RBFOX2: variants seen among roughly 807,000 people sequenced by gnomAD.
RBFOX2 encodes the protein RNA binding protein fox-1 homolog 2.
Under a neutral mutation model 49.1 loss-of-function variants are expected in RBFOX2, and 10 were observed. That is an observed-to-expected ratio of 0.20 (90% CI 0.13 to 0.35). The LOEUF (loss-of-function observed/expected upper bound fraction) is 0.35. Ranked by LOEUF, RBFOX2 falls within the 10% of genes least tolerant of loss-of-function variation. RBFOX2 has a pLI of 1.00. For missense variants in RBFOX2, 323 were observed against 486.9 expected (o/e 0.66, Z 3.17); for synonymous variants, 183 against 187.4 (o/e 0.98, Z 0.19).
At chr22:35,983,431 G>A (rs1011023975) in intron 1 of RBFOX2, among the ~76,000 whole-genome samples, 1 of 152,182 alleles carries the variant, frequency 6.6e-6, no homozygotes, top group Middle Eastern at 3.4e-3. Context: ...AGACCCCTTG[G>A]CCATTTTTTT....
At chr22:35,741,795 C>T (rs889526863) in exon 12 of RBFOX2, 6 of 152,622 alleles carry the variant, frequency 3.9e-5, no homozygotes, top group Non-Finnish European at 5.9e-5. Flanking sequence ...CTGTGGGAGC[C>T]GCCTTCTCTA....
chr22:35,762,503 CTTTTTT>C lies in RBFOX2; in HGVS notation c.608-1041_608-1036del, dbSNP rs769912529. Among the ~76,000 whole-genome samples, 51 of 126,870 alleles carry C rather than the reference CTTTTTT, an allele frequency of 4.0e-4. No individual in the cohort carries two copies. In the Admixed American group the frequency reaches 4.1e-3, roughly 10 times the overall value. The allele number at this position is 126,870 out of a possible 152,430, so 83.2% of individuals were successfully genotyped here. The stretch of plus-strand genomic sequence containing the variant: ...AGAAAAAGGCCAGAATTGGCCTCCT[CTTTTTT>C]TTTTTTTTTTTTTTTGAGACAGAGT... On this transcript the variant is annotated intron_variant, in intron 6 of 11. Coordinates refer to ENST00000405409, the Ensembl canonical transcript of RBFOX2.
At chr22:35,905,457 A>G (rs1401645907) in intron 1 of RBFOX2, among the ~76,000 whole-genome samples, 2 of 152,216 alleles carry the variant, frequency 1.3e-5, no homozygotes, top group Non-Finnish European at 2.9e-5. Flanking sequence ...ACTGTTAAGA[A>G]GAAATAAATT....
At chr22:35,806,312 A>C (rs58828455) in intron 2 of RBFOX2, among the ~76,000 whole-genome samples, 21,550 of 152,140 alleles carry the variant, frequency 0.14, 2,111 homozygotes, top group East Asian at 0.3. Context: ...TTAAAAAAAA[A>C]AACAACGTAA....
At chr22:35,804,066 T>A (rs190434014) in intron 2 of RBFOX2, among the ~76,000 whole-genome samples, 13 of 152,124 alleles carry the variant, frequency 8.5e-5, no homozygotes, top group Admixed American at 8.5e-4. Flanking sequence ...GATCATGAGG[T>A]CAGGTGTTTG....
In RBFOX2 at chr22:35,883,997, T is replaced by C. The variant is rs573165382; in HGVS notation, c.-34+54850A>G. On this transcript the variant is annotated intron_variant, in intron 1 of 13. Coordinates refer to the RBFOX2 transcript ENST00000359369. ...CTATTGGTACCAAAATCTGTAGTTA[T>C]CTCTTTTTTTTTTTTTTTTTTTTTT... Among the ~76,000 whole-genome samples, 12 of 129,304 alleles carry C rather than the reference T, an allele frequency of 9.3e-5. No individual in the cohort carries two copies. The South Asian group carries it at 2.8e-3, about 30-fold the overall frequency. 84.8% of individuals were successfully genotyped at this position (129,304 alleles called of 152,430 possible).
At chr22:35,879,122 T>C (rs2045546311) in intron 1 of RBFOX2, among the ~76,000 whole-genome samples, 1 of 152,150 alleles carries the variant, frequency 6.6e-6, no homozygotes, top group Admixed American at 6.5e-5. Flanking sequence ...TAGGAAACAT[T>C]TGAGCAAAAA....
upstream of RBFOX2, among the ~76,000 whole-genome samples, chr22:35,939,644 A>C (rs954360431): frequency 1.3e-5 from 2 of 152,136 alleles, no homozygotes; most frequent in African/African-American, 4.8e-5. Context: ...CATGTTGAGT[A>C]TCTGTCTCAT....
intron 1 of RBFOX2, among the ~76,000 whole-genome samples, chr22:35,825,201 G>A (rs776988616): frequency 4.1e-4 from 62 of 152,214 alleles, no homozygotes; most frequent in Non-Finnish European, 7.5e-4. Context: ...GCCTGGGAGT[G>A]CAGTTAATAA....
At chr22:35,848,583 C>CAA (rs1442299835) in intron 1 of RBFOX2, among the ~76,000 whole-genome samples, 1 of 152,148 alleles carries the variant, frequency 6.6e-6, no homozygotes, top group African/African-American at 2.4e-5. Flanking sequence ...GCCCAAAATA[C>CAA]CTAATAAGAT....
chr22:35,765,200 AGAT>A (rs1940531818), intron 6 of RBFOX2, among the ~76,000 whole-genome samples: 1 of 151,052 alleles, frequency 6.6e-6, no homozygotes, highest in Non-Finnish European at 1.5e-5. Context: ...ACTGTGTAAA[AGAT>A]GAACATTACT....
At chr22:36,025,786 T>C (rs1430788971) in intron 1 of RBFOX2, among the ~76,000 whole-genome samples, 6 of 152,192 alleles carry the variant, frequency 3.9e-5, no homozygotes, top group Non-Finnish European at 5.9e-5. Flanking sequence ...CCCAGCACTT[T>C]GGGAGGCCGA....
chr22:35,842,467 A>G (rs1231317717), upstream of RBFOX2, among the ~76,000 whole-genome samples: 1 of 152,224 alleles, frequency 6.6e-6, no homozygotes, highest in Non-Finnish European at 1.5e-5. Flanking sequence ...TTTTCTAAAG[A>G]CAAAGTGAGT....
At chr22:35,895,873 G>A (rs972141764) in intron 1 of RBFOX2, among the ~76,000 whole-genome samples, 3 of 152,186 alleles carry the variant, frequency 2.0e-5, no homozygotes, top group African/African-American at 4.8e-5. Flanking sequence ...TGGTGACCAT[G>A]TTTTCTAATT....
At chr22:35,820,642 C>T (rs572445178) in intron 1 of RBFOX2, among the ~76,000 whole-genome samples, 1 of 152,286 alleles carries the variant, frequency 6.6e-6, no homozygotes, top group South Asian at 2.1e-4. Flanking sequence ...AGGTAATTGT[C>T]CAGATCTAAT....
rs992812982 is a variant in RBFOX2 at position 35,759,049 on chromosome 22, G to T, written c.887+839C>A. 6.6e-6 allele frequency among the ~76,000 whole-genome samples: 1 copy of T among 152,232 alleles called. No individual in the cohort carries two copies. Among genetic ancestry groups the T allele is most frequent in the East Asian group, 1.9e-4 (1 of 5,172 alleles). On this transcript the variant is annotated intron_variant, in intron 9 of 11. Transcript: ENST00000405409. This position sits in a 1 kb window ranked among gnomAD's most constrained non-coding sequence, Gnocchi z 4.6. Reference sequence around the variant, plus strand: ...AAGAGAAATGTCACATCTTTGATGAGGAAGTCCTTGGTACAACTGACTCAT... The same window carrying T: ...AAGAGAAATGTCACATCTTTGATGATGAAGTCCTTGGTACAACTGACTCAT...
chr22:35,850,795 T>C (rs780995762), intron 1 of RBFOX2, among the ~76,000 whole-genome samples: 36 of 152,278 alleles, frequency 2.4e-4, no homozygotes, highest in Non-Finnish European at 4.7e-4. Context: ...AGAAAACTGC[T>C]AAGTAATCCT....
intron 1 of RBFOX2, among the ~76,000 whole-genome samples, chr22:35,850,208 A>ACC (rs1305520627): frequency 6.6e-6 from 1 of 150,772 alleles, no homozygotes; most frequent in Non-Finnish European, 1.5e-5. Flanking sequence ...ACACACACAC[A>ACC]CACACACACA....
At chr22:35,864,704 A>G (rs1333528983) in intron 1 of RBFOX2, among the ~76,000 whole-genome samples, 1 of 152,240 alleles carries the variant, frequency 6.6e-6, no homozygotes, top group Non-Finnish European at 1.5e-5. Flanking sequence ...TGCAAAGTAG[A>G]AACAGTGACT....
Sources: gnomAD v4.1 joint callset for allele counts (sites outside exome capture counted in the v4.1 genomes callset) on GRCh38, gnomAD v4.1.1 for gene constraint, Gnocchi (gnomAD v3.1) non-coding constraint, MANE v1.5 for transcripts, NCBI Gene and HGNC (gene_info 2026-07-23, HGNC 2026-07-21) for gene names.